NKIRAS1: variants seen among roughly 807,000 people sequenced by gnomAD.
The protein encoded by NKIRAS1 is NF-kappa-B inhibitor-interacting Ras-like protein 1.
A neutral mutation model predicts 19.8 loss-of-function variants in NKIRAS1; 16 were observed. That is an observed-to-expected ratio of 0.81 (90% CI 0.55 to 1.23). The LOEUF (loss-of-function observed/expected upper bound fraction) is 1.23, where lower values mean the gene tolerates loss of function less well. Ranked by LOEUF, NKIRAS1 falls within the 50% of genes most tolerant of loss-of-function variation. NKIRAS1 has a pLI of 0.00. For synonymous variants in NKIRAS1, 88 were observed against 79.0 expected (o/e 1.11, Z -0.61); for missense variants, 184 against 220.0 (o/e 0.84, Z 1.04).
At chr3:23,920,491 C>T (rs1575123361), upstream of NKIRAS1, 1 of 984,876 alleles carries the variant, frequency 1.0e-6, no homozygotes. Context: ...CCCACTTTGA[C>T]TATGAGTATA....
rs937591801 is a variant in NKIRAS1 at position 23,912,934 on chromosome 3, T to C, written c.-139-1484A>G. Among the ~76,000 whole-genome samples the C allele has an allele frequency of 1.3e-4, 19 of 149,002 alleles. 1 individual carries two copies. The highest frequency in any genetic ancestry group is 8.2e-4 in the Admixed American group (12 of 14,648). ...GAGATTGAGACCATCCTGGCTAACATGGTGAAACCGTCTCTACTAAAAATA... is the reference window on the plus strand; with the variant it reads ...GAGATTGAGACCATCCTGGCTAACACGGTGAAACCGTCTCTACTAAAAATA... On this transcript the variant is annotated intron_variant, in intron 1 of 4. Coordinates refer to ENST00000425478, the MANE Select transcript of NKIRAS1 (RefSeq NM_020345.4).
chr3:23,907,539 C>T (rs6807856), intron 3 of NKIRAS1, among the ~76,000 whole-genome samples: 113,805 of 152,130 alleles, frequency 0.75, 43,234 homozygotes, highest in African/African-American at 0.84. Context: ...ATACTACTAC[C>T]AAAGCCATTT....
intron 1 of NKIRAS1, among the ~76,000 whole-genome samples, chr3:23,913,942 G>A (rs902065550): frequency 5.3e-5 from 8 of 152,098 alleles, no homozygotes; most frequent in South Asian, 2.1e-4. Context: ...CAACACTGAG[G>A]TGAACACAAA....
chr3:23,894,433 A>G (rs560413861), intron 4 of NKIRAS1, among the ~76,000 whole-genome samples: 18 of 152,310 alleles, frequency 1.2e-4, no homozygotes, highest in African/African-American at 4.3e-4. Flanking sequence ...AAAGTGGGCC[A>G]GAGCTCCAGT....
chr3:23,932,033 T>C (rs1705327102), intron 1 of NKIRAS1, among the ~76,000 whole-genome samples: 1 of 152,214 alleles, frequency 6.6e-6, no homozygotes, highest in Non-Finnish European at 1.5e-5. Context: ...CAAAACCAAC[T>C]GACTACAGGC....
intron 1 of NKIRAS1, among the ~76,000 whole-genome samples, chr3:23,914,987 C>G (rs1298806816): frequency 1.3e-5 from 2 of 152,232 alleles, no homozygotes; most frequent in Admixed American, 1.3e-4. Flanking sequence ...TTCATCACTA[C>G]TGAAGTGGTC....
chr3:23,944,525 T>C (rs888862023), intron 1 of NKIRAS1, among the ~76,000 whole-genome samples: 17 of 152,202 alleles, frequency 1.1e-4, no homozygotes, highest in African/African-American at 3.6e-4. Flanking sequence ...TCTAGCTTTT[T>C]TCTTTTGATC....
rs1342596542 is a variant in NKIRAS1, at chr3:23,893,168, G to C, written c.506C>G (p.Ser169Cys). ...EPFTLLASKL[S>C]QPQSKSSFPL... ...AAAGCTTGATTTGCTCTGGGGTTGA[G>C]AAAGTTTACTGGCTAATAAAGTGAA... Residue 169 changes from serine to cysteine, a missense_variant, in exon 5 of 5, where the codon TCT (serine) becomes TGT (cysteine). Ser to Cys is a moderately radical substitution (Grantham distance 112). Coordinates refer to ENST00000425478, the MANE Select transcript of NKIRAS1 (RefSeq NM_020345.4). 6.2e-7 allele frequency: 1 copy of C among 1,611,866 alleles called. No individual in the cohort carries two copies. The highest frequency in any genetic ancestry group is 8.5e-7 in the Non-Finnish European group (1 of 1,179,062).
chr3:23,915,248 TGAAGATGAA>T (rs1385333847), intron 1 of NKIRAS1, among the ~76,000 whole-genome samples: 1 of 152,100 alleles, frequency 6.6e-6, no homozygotes, highest in Non-Finnish European at 1.5e-5. Flanking sequence ...TTGCTGGCTG[TGAAGATGAA>T]GGAAGCAGTC....
chr3:23,893,353 T>G lies in NKIRAS1; in HGVS notation c.337-16A>C, dbSNP rs746838504. The stretch of plus-strand genomic sequence containing the variant: ...CAATTGCTACCTGAAAGAAAACGGA[T>G]TGAAAAGATCATACTAGTACTTTGC... On this transcript the variant is annotated splice_polypyrimidine_tract_variant and intron_variant, in intron 4 of 4. Transcript: ENST00000425478. 1.2e-6 allele frequency: 2 copies of G among 1,610,814 alleles called. No homozygotes were observed. The highest frequency in any genetic ancestry group is 2.2e-5 in the East Asian group (1 of 44,860).
chr3:23,946,236 G>A, intron 1 of NKIRAS1: 1 of 985,450 alleles, frequency 1.0e-6, no homozygotes. Context: ...ACCGGACGCC[G>A]CACGCTCTTT....
rs35945213 is a variant in NKIRAS1, at chr3:23,936,082, CAAAAAAAAAAAAA to C, written c.-140+10228_-140+10240del. Among the ~76,000 whole-genome samples the C allele has an allele frequency of 5.6e-3, 358 of 63,920 alleles. 8 individuals carry two copies. Among genetic ancestry groups the C allele is most frequent in the East Asian group, 0.04 (72 of 1,786 alleles). The allele number at this position is 63,920 out of a possible 152,430, so 41.9% of individuals were successfully genotyped here. ...TGGGCGACAGAAAGGGACCCTGTCT[CAAAAAAAAAAAAA>C]AAAAAAAAAAAGCGGGGTTGGGGAG... On this transcript the variant is annotated intron_variant, in intron 1 of 4. Transcript: ENST00000421515.
In NKIRAS1 at chr3:23,893,712, G is replaced by A. The variant is rs1199694252; in HGVS notation, c.337-375C>T. Among the ~76,000 whole-genome samples the A allele has an allele frequency of 2.0e-5, 3 of 149,664 alleles. No individual in the cohort carries two copies. In the East Asian group the frequency reaches 5.9e-4, roughly 29 times the overall value. ...CTTGGGAGGCTGCGGCAGGAGAATC[G>A]CTGGAACCCGGGAGGCAGAGAGGGT... On this transcript the variant is annotated intron_variant, in intron 4 of 4. Coordinates refer to ENST00000425478, the MANE Select transcript of NKIRAS1 (RefSeq NM_020345.4).
intron 1 of NKIRAS1, among the ~76,000 whole-genome samples, chr3:23,931,433 C>T (rs551896171): frequency 1.2e-4 from 18 of 152,288 alleles, no homozygotes; most frequent in Middle Eastern, 6.8e-3. Flanking sequence ...TTGGGTCTTT[C>T]CTCAAACATC....
Position 23,927,687 on chromosome 3 carries a change from C to T in NKIRAS1, c.-139-16237G>A, listed in dbSNP as rs943937217. Among the ~76,000 whole-genome samples the T allele has an allele frequency of 2.0e-5, 3 of 152,190 alleles. No individual in the cohort carries two copies. Among genetic ancestry groups the T allele is most frequent in the Non-Finnish European group, 4.4e-5 (3 of 68,036 alleles). On this transcript the variant is annotated intron_variant, in intron 1 of 4. Transcript: ENST00000421515. This position sits in a 1 kb window ranked among gnomAD's most constrained non-coding sequence, Gnocchi z 4.0. ...AATTATCAGTCATCAAATCACGAAA[C>T]TTGTTTCTATGAGAGTGTAAACATA... is the stretch of plus-strand genomic sequence containing the variant.
chr3:23,918,164 T>G, upstream of NKIRAS1: 1 of 1,165,192 alleles, frequency 8.6e-7, no homozygotes, highest in South Asian at 1.6e-5. Context: ...CTAGCAACAC[T>G]GGTCAGTTAC....
intron 1 of NKIRAS1, among the ~76,000 whole-genome samples, chr3:23,929,717 C>G (rs1009896380): frequency 6.6e-6 from 1 of 152,150 alleles, no homozygotes; most frequent in Non-Finnish European, 1.5e-5. Flanking sequence ...GCTGGGATTA[C>G]AGACATGAGC....
intron 3 of NKIRAS1, among the ~76,000 whole-genome samples, chr3:23,904,946 A>G (rs905719095): frequency 6.6e-6 from 1 of 152,224 alleles, no homozygotes; most frequent in African/African-American, 2.4e-5. Context: ...AGAATGTTAC[A>G]TCAATGAAAA....
At chr3:23,903,914 C>T (rs1200645720) in intron 3 of NKIRAS1, among the ~76,000 whole-genome samples, 1 of 152,162 alleles carries the variant, frequency 6.6e-6, no homozygotes, top group Non-Finnish European at 1.5e-5. Context: ...CCTGTAATAC[C>T]AGCACTTTGG....
Sources: allele counts gnomAD v4.1 joint callset (sites outside exome capture counted in the v4.1 genomes callset), GRCh38; gene constraint gnomAD v4.1.1; non-coding constraint Gnocchi (gnomAD v3.1); transcripts MANE v1.5; gene names NCBI Gene and HGNC (gene_info 2026-07-23, HGNC 2026-07-21).